SPRY3: variants seen among roughly 807,000 people sequenced by gnomAD.
The protein encoded by SPRY3 is sprouty RTK signaling antagonist 3.
A neutral mutation model predicts 20.2 loss-of-function variants in SPRY3; 15 were observed. That is an observed-to-expected ratio of 0.74 (90% CI 0.50 to 1.14). The LOEUF (loss-of-function observed/expected upper bound fraction) is 1.14, where lower values mean the gene tolerates loss of function less well. Ranked by LOEUF, SPRY3 falls within the 50% of genes most tolerant of loss-of-function variation. The pLI is 0.00. For missense variants in SPRY3, 364 were observed against 363.9 expected, an observed-to-expected ratio of 1.00 and a Z score of 0.00; for synonymous variants, 143 against 136.5, an observed-to-expected ratio of 1.05 and a Z score of -0.33.
chrX:155,706,330 C>T (rs2090950821), intron 2 of SPRY3, among the ~76,000 whole-genome samples: 3 of 150,878 alleles, frequency 2.0e-5, no homozygotes, highest in South Asian at 4.2e-4. Context: ...GATGAAAATG[C>T]CACAGATAAA....
intron 2 of SPRY3, among the ~76,000 whole-genome samples, chrX:155,706,586 G>T (rs2090953043): frequency 6.7e-6 from 1 of 149,598 alleles, no homozygotes; most frequent in Admixed American, 6.7e-5. Flanking sequence ...AAAATTGATA[G>T]ACCTTTAGCC....
At chrX:155,721,342 C>T (rs2091056169) in intron 2 of SPRY3, among the ~76,000 whole-genome samples, 1 of 152,030 alleles carries the variant, frequency 6.6e-6, no homozygotes, top group Non-Finnish European at 1.5e-5. Flanking sequence ...AGTTATTGAT[C>T]TTAAAGAGGA....
intron 2 of SPRY3, among the ~76,000 whole-genome samples, chrX:155,709,931 T>C (rs2124540921): frequency 6.6e-6 from 1 of 151,908 alleles, no homozygotes; most frequent in African/African-American, 2.4e-5. Context: ...TTTTCCCCAA[T>C]GTATGTTCTT....
intron 1 of SPRY3, among the ~76,000 whole-genome samples, chrX:155,617,432 C>G (rs1364723608): frequency 9.0e-6 from 1 of 111,233 alleles, no homozygotes; most frequent in African/African-American, 3.3e-5. Context: ...ATAGTCAGCC[C>G]ATGATTATGA....
Position 155,660,801 on chromosome X carries a change from G to A in SPRY3, c.-282+3776G>A, listed in dbSNP as rs370895488. Among the ~76,000 whole-genome samples the A allele has an allele frequency of 1.4e-3, 140 of 98,022 alleles. No individual in the cohort carries two copies. The South Asian group carries it at 0.057, about 40-fold the overall frequency. 85.1% of individuals were successfully genotyped at this position (98,022 alleles called of 115,157 possible). ...CTTCTTTGTCTTTTTTTTTTTTACT[G>A]TTGCTAGTTAAAAGTCTGTTTTATC... is the stretch of plus-strand genomic sequence containing the variant. On this transcript the variant is annotated intron_variant, in intron 2 of 3. Transcript: ENST00000675360.
intron 1 of SPRY3, among the ~76,000 whole-genome samples, chrX:155,643,348 T>C (rs1415748459): frequency 8.9e-6 from 1 of 111,770 alleles, no homozygotes; most frequent in Non-Finnish European, 1.9e-5. Context: ...TTAGTCTGTG[T>C]GTGTCTGTAA....
At chrX:155,649,414 A>C (rs2067968818) in intron 1 of SPRY3, among the ~76,000 whole-genome samples, 1 of 111,637 alleles carries the variant, frequency 9.0e-6, no homozygotes, top group African/African-American at 3.3e-5. Context: ...CAAAAAGCTT[A>C]TCCACCACAA....
At position 155,726,658 on chromosome X, in the gene SPRY3, C is replaced by T. The variant is rs760582111; in HGVS notation, c.-281-41304C>T. On this transcript the variant is annotated intron_variant, in intron 2 of 3. Transcript: ENST00000675360. ...GATTGCAACTCCTGCTTTTCTTTTG[C>T]TTTCCATTTGCTTAGTAGATCTTCC... Among the ~76,000 whole-genome samples, 16 of 152,114 alleles carry T rather than the reference C, an allele frequency of 1.1e-4. No homozygotes were observed. In the South Asian group the frequency reaches 2.7e-3, roughly 26 times the overall value.
chrX:155,680,687 T>C (rs2068071956), intron 2 of SPRY3, among the ~76,000 whole-genome samples: 1 of 111,989 alleles, frequency 8.9e-6, no homozygotes, highest in African/African-American at 3.2e-5. Context: ...TCTATTGTGC[T>C]TCATAGATAC....
At chrX:155,619,382 T>C (rs1249678243) in intron 1 of SPRY3, among the ~76,000 whole-genome samples, 1 of 110,666 alleles carries the variant, frequency 9.0e-6, no homozygotes, top group African/African-American at 3.3e-5. Context: ...TTTGGTTCCA[T>C]TGATCTAAGT....
intron 2 of SPRY3, among the ~76,000 whole-genome samples, chrX:155,719,779 C>A (rs1321346539): frequency 6.6e-6 from 1 of 152,068 alleles, no homozygotes; most frequent in African/African-American, 2.4e-5. Flanking sequence ...GCATTCATCA[C>A]CTGCTAATTA....
intron 3 of SPRY3, among the ~76,000 whole-genome samples, chrX:155,770,046 G>A (rs2091371469): frequency 6.6e-6 from 1 of 152,106 alleles, no homozygotes; most frequent in Non-Finnish European, 1.5e-5. Flanking sequence ...TTCTGAGTAG[G>A]AGTGTATATA....
chrX:155,704,402 C>A (rs2090934088), intron 2 of SPRY3, among the ~76,000 whole-genome samples: 1 of 151,676 alleles, frequency 6.6e-6, no homozygotes, highest in South Asian at 2.1e-4. Flanking sequence ...ACAGAACTGA[C>A]ACCTCTGAGG....
chrX:155,640,300 G>C (rs1434677250), intron 1 of SPRY3, among the ~76,000 whole-genome samples: 1 of 112,173 alleles, frequency 8.9e-6, no homozygotes, highest in Non-Finnish European at 1.9e-5. Flanking sequence ...AAATAAGCTA[G>C]AGAAAAAGTG....
chrX:155,635,878 A>G (rs1557350976), intron 1 of SPRY3, among the ~76,000 whole-genome samples: 1 of 112,079 alleles, frequency 8.9e-6, no homozygotes, highest in African/African-American at 3.2e-5. Flanking sequence ...TTGACTTACC[A>G]TATACCACAT....
downstream of SPRY3, chrX:155,780,626 G>A (rs1308262026): frequency 3.0e-5 from 5 of 166,888 alleles, no homozygotes; most frequent in African/African-American, 9.7e-5. Context: ...AGAAAATCAT[G>A]TGTCCTTGGA....
At chrX:155,694,515 G>C (rs1027952809) in intron 2 of SPRY3, among the ~76,000 whole-genome samples, 3 of 111,220 alleles carry the variant, frequency 2.7e-5, no homozygotes, top group East Asian at 5.7e-4. Flanking sequence ...CCATGGACCG[G>C]GGTGGGTGAG....
intron 1 of SPRY3, among the ~76,000 whole-genome samples, chrX:155,648,763 A>G (rs2067966449): frequency 8.9e-6 from 1 of 111,768 alleles, no homozygotes; most frequent in Non-Finnish European, 1.9e-5. Flanking sequence ...ATAAGAAGTA[A>G]CTAAGATCAG....
At chrX:155,744,651 C>T (rs1399944153) in intron 2 of SPRY3, among the ~76,000 whole-genome samples, 1 of 151,932 alleles carries the variant, frequency 6.6e-6, no homozygotes, top group Non-Finnish European at 1.5e-5. Context: ...AACATGAGTG[C>T]AGACCCAGGA....
Sources: gnomAD v4.1 joint callset for allele counts (sites outside exome capture counted in the v4.1 genomes callset) on GRCh38, gnomAD v4.1.1 for gene constraint, MANE v1.5 for transcripts, NCBI Gene and HGNC (gene_info 2026-07-23, HGNC 2026-07-21) for gene names.